The following CES5A variants were observed in gnomAD, a reference collection of about 807,000 sequenced individuals.
CES5A encodes the protein carboxylesterase 5A.
Under a neutral mutation model 62.9 loss-of-function variants are expected in CES5A, and 67 were observed. The observed-to-expected ratio is 1.07, with a 90% confidence interval of 0.88 to 1.31. The LOEUF is 1.31. Among genes scored for constraint, CES5A ranks in the 50% most tolerant of loss-of-function variants. CES5A has a pLI of 0.00. For missense variants in CES5A, 748 were observed against 708.5 expected (o/e 1.06, Z -0.63); for synonymous variants, 296 against 280.8 (o/e 1.05, Z -0.54).
chr16:55,860,979 G>T (rs1413265487), intron 7 of CES5A, among the ~76,000 whole-genome samples: 1 of 152,156 alleles, frequency 6.6e-6, no homozygotes, highest in Non-Finnish European at 1.5e-5. Flanking sequence ...ACCTGGAGAG[G>T]TGGGCATCTC....
At chr16:55,913,899 G>A (rs1358088795) in intron 1 of CES5A, among the ~76,000 whole-genome samples, 1 of 152,134 alleles carries the variant, frequency 6.6e-6, no homozygotes, top group Admixed American at 6.5e-5. Flanking sequence ...CTGTTCCCAC[G>A]TCATGTTGCC....
rs149381343 is a variant in CES5A at position 55,932,140 on chromosome 16, G to A, written c.160+17645C>T. On this transcript the variant is annotated intron_variant, in intron 2 of 13. Transcript: ENST00000521992. ...GCCAGTTTTGTTTTGACCAGGAAGT[G>A]CCATGTGTCACTTCTCTTCACAGCT... Among the ~76,000 whole-genome samples, 9 of 152,236 alleles carry A rather than the reference G, an allele frequency of 5.9e-5. No homozygotes were observed. The East Asian group carries it at 1.7e-3, about 29-fold the overall frequency.
chr16:55,949,077 A>T (rs7202298), intron 2 of CES5A, among the ~76,000 whole-genome samples: 3,938 of 152,340 alleles, frequency 0.026, 62 homozygotes, highest in Non-Finnish European at 0.029. Flanking sequence ...ATATAGCCAC[A>T]ATAGTGCTTT....
chr16:55,900,390 A>G (rs1339365452), intron 1 of CES5A, among the ~76,000 whole-genome samples: 1 of 152,172 alleles, frequency 6.6e-6, no homozygotes, highest in African/African-American at 2.4e-5. Flanking sequence ...ATTGATCAAG[A>G]CAGAAGAGGC....
chr16:55,857,763 T>C (rs1248839232), intron 8 of CES5A, among the ~76,000 whole-genome samples: 6 of 152,226 alleles, frequency 3.9e-5, no homozygotes, highest in African/African-American at 1.4e-4. Flanking sequence ...GCACTGACTA[T>C]ATGCCAGGCT....
intron 1 of CES5A, among the ~76,000 whole-genome samples, chr16:55,884,341 A>G (rs1352457219): frequency 6.6e-6 from 1 of 152,164 alleles, no homozygotes; most frequent in Non-Finnish European, 1.5e-5. Flanking sequence ...TATAGATATC[A>G]CACTCCCTTA....
chr16:55,889,911 T>C (rs1365283827), intron 1 of CES5A, among the ~76,000 whole-genome samples: 2 of 152,148 alleles, frequency 1.3e-5, no homozygotes, highest in African/African-American at 2.4e-5. Flanking sequence ...AAATGAAGGA[T>C]GAAGATCACT....
intron 11 of CES5A, among the ~76,000 whole-genome samples, chr16:55,848,587 G>A (rs1463963681): frequency 6.6e-6 from 1 of 152,164 alleles, no homozygotes; most frequent in Non-Finnish European, 1.5e-5. Flanking sequence ...GGGAGGTTGA[G>A]TGGATGTTCG....
chr16:55,903,142 A>G (rs1475718632), intron 1 of CES5A, among the ~76,000 whole-genome samples: 1 of 151,790 alleles, frequency 6.6e-6, no homozygotes, highest in Admixed American at 6.6e-5. Context: ...AAAAAAAAAG[A>G]CACAGCTCAT....
At chr16:55,955,378 A>G (rs1296720327) in intron 1 of CES5A, among the ~76,000 whole-genome samples, 1 of 152,254 alleles carries the variant, frequency 6.6e-6, no homozygotes, top group Non-Finnish European at 1.5e-5. Context: ...AGAAACCTTT[A>G]AAGATGCATT....
Position 55,938,839 on chromosome 16 carries a change from C to CATATATATATATACACATAT in CES5A, c.160+10945_160+10946insATATGTGTATATATATATAT, listed in dbSNP as rs141696132. Among the ~76,000 whole-genome samples, 21 of 120,140 alleles carry CATATATATATATACACATAT rather than the reference C, an allele frequency of 1.7e-4. 1 individual carries two copies. The highest frequency in any genetic ancestry group is 7.0e-4 in the African/African-American group (21 of 30,020). The allele number at this position is 120,140 out of a possible 152,430, so 78.8% of individuals were successfully genotyped here. On this transcript the variant is annotated intron_variant, in intron 2 of 13. Coordinates refer to the CES5A transcript ENST00000521992. ...ATACACACACATATATATATATACACATATATATATGTAGATATGTATTAA... is the reference window on the plus strand; with the variant it reads ...ATACACACACATATATATATATACACATATATATATATACACATATATATATATATGTAGATATGTATTAA...
At chr16:55,887,415 T>C (rs1439517691) in intron 1 of CES5A, among the ~76,000 whole-genome samples, 1 of 151,864 alleles carries the variant, frequency 6.6e-6, no homozygotes, top group Admixed American at 6.6e-5. Flanking sequence ...CTACACTGAT[T>C]ATCATTAAAA....
rs78967931 is a variant in CES5A, at chr16:55,949,100, G to A, written c.160+685C>T. On this transcript the variant is annotated intron_variant, in intron 2 of 13. Transcript: ENST00000521992. ...ACAATAGTGCTTTGCTCTGATACAC[G>A]TAATAATTCTCAGTAAATGCTCAAT... Among the ~76,000 whole-genome samples, 1,009 of 152,302 alleles carry A rather than the reference G, an allele frequency of 6.6e-3. 14 individuals carry two copies. Among genetic ancestry groups the A allele is most frequent in the African/African-American group, 0.023 (971 of 41,558 alleles).
chr16:55,921,170 G>A (rs967682809), intron 1 of CES5A, among the ~76,000 whole-genome samples: 3 of 152,078 alleles, frequency 2.0e-5, no homozygotes, highest in Admixed American at 6.5e-5. Flanking sequence ...TTCAAAGAGA[G>A]TTCAACAAGA....
intron 11 of CES5A, among the ~76,000 whole-genome samples, chr16:55,848,594 T>A (rs1169896986): frequency 1.3e-5 from 2 of 152,238 alleles, no homozygotes; most frequent in Non-Finnish European, 2.9e-5. Flanking sequence ...TGAGTGGATG[T>A]TCGTATGTTT....
In CES5A at chr16:55,875,359, C is replaced by T. The variant is rs2033677021; in HGVS notation, c.-138G>A. The stretch of plus-strand genomic sequence containing the variant: ...CAGAGGCAGCAGAGTTACTGAAGAT[C>T]AGCATCAGAACAATATTCTCAAAGG... On this transcript the variant is annotated 5_prime_UTR_variant, in exon 1 of 13. Coordinates refer to ENST00000290567, the MANE Select transcript of CES5A (RefSeq NM_001143685.2). The T allele has an allele frequency of 6.9e-7, 1 of 1,455,388 alleles. No homozygotes were observed. The highest frequency in any genetic ancestry group is 1.5e-5 in the South Asian group (1 of 66,968). The allele number at this position is 1,455,388 out of a possible 1,614,324, so 90.2% of individuals were successfully genotyped here.
intron 2 of CES5A, among the ~76,000 whole-genome samples, chr16:55,934,064 A>G (rs564592788): frequency 6.6e-6 from 1 of 152,168 alleles, no homozygotes; most frequent in South Asian, 2.1e-4. Context: ...CTCCTTCTCA[A>G]TACTTTGCTC....
chr16:55,869,835 T>C, intron 3 of CES5A, 91 bp from the exon 4 acceptor site: 1 of 1,468,288 alleles, frequency 6.8e-7, no homozygotes, highest in Non-Finnish European at 9.1e-7. Context: ...AGGTGAAATA[T>C]AAATGTCCCA....
At chr16:55,906,325 T>C (rs1351929912) in intron 1 of CES5A, among the ~76,000 whole-genome samples, 1 of 152,222 alleles carries the variant, frequency 6.6e-6, no homozygotes, top group Non-Finnish European at 1.5e-5. Context: ...ACTCCTTGAA[T>C]TCCAGCCAAA....
Sources: gnomAD v4.1 joint callset for allele counts (sites outside exome capture counted in the v4.1 genomes callset) on GRCh38, gnomAD v4.1.1 for gene constraint, MANE v1.5 for transcripts, NCBI Gene and HGNC (gene_info 2026-07-23, HGNC 2026-07-21) for gene names.